The following EEPD1 variants were observed in gnomAD, a reference collection of about 807,000 sequenced individuals.
The protein encoded by EEPD1 is endonuclease/exonuclease/phosphatase family domain-containing protein 1.
Under a neutral mutation model 46.3 loss-of-function variants are expected in EEPD1, and 17 were observed. The observed-to-expected ratio is 0.37, with a 90% confidence interval of 0.25 to 0.55. The LOEUF (loss-of-function observed/expected upper bound fraction) is 0.55, where lower values mean the gene tolerates loss of function less well. Ranked by LOEUF, EEPD1 falls within the 20% of genes least tolerant of loss-of-function variation. EEPD1 has a pLI of 0.83. For synonymous variants in EEPD1, 313 were observed against 315.6 expected (o/e 0.99, Z 0.09); for missense variants, 673 against 745.6 (o/e 0.90, Z 1.13).
At chr7:36,171,814 TG>T (rs1039806150) in intron 2 of EEPD1, among the ~76,000 whole-genome samples, 3 of 152,234 alleles carry the variant, frequency 2.0e-5, no homozygotes, top group Non-Finnish European at 4.4e-5. Flanking sequence ...CCAAGCTTGT[TG>T]GTAGCTGGCA....
intron 3 of EEPD1, among the ~76,000 whole-genome samples, chr7:36,245,349 C>G (rs1027765251): frequency 6.6e-6 from 1 of 152,186 alleles, no homozygotes; most frequent in Non-Finnish European, 1.5e-5. Context: ...GTGGTCCTTA[C>G]TGTGTTTGGG....
At chr7:36,162,732 C>T (rs1449614841) in intron 2 of EEPD1, among the ~76,000 whole-genome samples, 1 of 152,200 alleles carries the variant, frequency 6.6e-6, no homozygotes, top group Non-Finnish European at 1.5e-5. Context: ...TTGTTTGTTT[C>T]CAACGAGCCC....
At chr7:36,241,459 C>T (rs1034721092) in intron 3 of EEPD1, among the ~76,000 whole-genome samples, 2 of 151,574 alleles carry the variant, frequency 1.3e-5, no homozygotes, top group African/African-American at 2.4e-5. Context: ...GGCAGCAGAG[C>T]GAGACTCTGT....
intron 3 of EEPD1, among the ~76,000 whole-genome samples, chr7:36,258,852 G>C (rs1015400795): frequency 2.1e-5 from 3 of 146,148 alleles, no homozygotes; most frequent in African/African-American, 5.1e-5. Flanking sequence ...GAACAGTTCG[G>C]TTTTGCTGGC....
At chr7:36,257,956 C>G (rs196559) in intron 3 of EEPD1, among the ~76,000 whole-genome samples, 107,583 of 152,014 alleles carry the variant, frequency 0.71, 38,421 homozygotes, top group Non-Finnish European at 0.76. Flanking sequence ...CCTCATCTTT[C>G]TGGATTTATC....
At position 36,217,801 on chromosome 7, in the gene EEPD1, A is replaced by C. The variant is rs566860609; in HGVS notation, c.879-21184A>C. ...TAGAGAGGCCATGGGCTCTAACAAA[A>C]CCCAGAGGTGAATTTCACCTGGCCT... On this transcript the variant is annotated intron_variant, in intron 2 of 7. Coordinates refer to ENST00000242108, the MANE Select transcript of EEPD1 (RefSeq NM_030636.3). 5.3e-5 allele frequency among the ~76,000 whole-genome samples: 8 copies of C among 152,292 alleles called. No individual in the cohort carries two copies. In the South Asian group the frequency reaches 8.3e-4, roughly 16 times the overall value.
chr7:36,257,739 G>A (rs1786849749), intron 3 of EEPD1, among the ~76,000 whole-genome samples: 1 of 151,936 alleles, frequency 6.6e-6, no homozygotes, highest in Non-Finnish European at 1.5e-5. Context: ...TTTTTTCAAG[G>A]TTCTTAGCTT....
At chr7:36,242,124 G>A (rs572816217) in intron 3 of EEPD1, among the ~76,000 whole-genome samples, 55 of 151,704 alleles carry the variant, frequency 3.6e-4, no homozygotes, top group African/African-American at 1.3e-3. Flanking sequence ...TTACTTTCTC[G>A]TGCCTTAGTT....
chr7:36,277,342 C>T (rs191721513), intron 3 of EEPD1, among the ~76,000 whole-genome samples: 1 of 152,358 alleles, frequency 6.6e-6, no homozygotes, highest in Non-Finnish European at 1.5e-5. Context: ...TAGCAGTTAC[C>T]TCCTGTGGGC....
chr7:36,170,517 A>G (rs1016967202), intron 2 of EEPD1, among the ~76,000 whole-genome samples: 10 of 150,530 alleles, frequency 6.6e-5, no homozygotes, highest in African/African-American at 1.7e-4. Context: ...GGAACCCTGT[A>G]TCAGTCATTG....
At chr7:36,169,777 G>T (rs1785045205) in intron 2 of EEPD1, among the ~76,000 whole-genome samples, 1 of 152,156 alleles carries the variant, frequency 6.6e-6, no homozygotes, top group Non-Finnish European at 1.5e-5. Context: ...ACTTCATTTG[G>T]GATGCTTCAT....
Position 36,299,207 on chromosome 7 carries a change from T to G in EEPD1, c.*1T>G. On this transcript the variant is annotated 3_prime_UTR_variant, in exon 8 of 8. Coordinates refer to ENST00000242108, the MANE Select transcript of EEPD1 (RefSeq NM_030636.3). ...AGCCAACATCAAGCACGAGCGATGA[T>G]GACACCAAATCCATGTGTCCACCCT... The G allele has an allele frequency of 6.2e-7, 1 of 1,613,408 alleles. No homozygotes were observed. The highest frequency in any genetic ancestry group is 8.5e-7 in the Non-Finnish European group (1 of 1,179,606).
intron 2 of EEPD1, among the ~76,000 whole-genome samples, chr7:36,234,718 A>C (rs1220814254): frequency 6.6e-6 from 1 of 151,946 alleles, no homozygotes; most frequent in Non-Finnish European, 1.5e-5. Flanking sequence ...GGAGGGAGGC[A>C]TGTGCTTCAG....
intron 3 of EEPD1, among the ~76,000 whole-genome samples, chr7:36,268,728 T>C (rs999545990): frequency 3.3e-5 from 5 of 152,292 alleles, no homozygotes; most frequent in Non-Finnish European, 7.4e-5. Context: ...CAGCCCAGTG[T>C]GTCTAACAAC....
intron 2 of EEPD1, among the ~76,000 whole-genome samples, chr7:36,160,467 T>G (rs548283379): frequency 1.3e-5 from 2 of 151,142 alleles, no homozygotes; most frequent in Non-Finnish European, 3.0e-5. Context: ...CATGGAGGAA[T>G]TGGCAAGTGC....
At chr7:36,238,909 T>C in intron 2 of EEPD1, 76 bp from the exon 3 acceptor site, 1 of 1,455,926 alleles carries the variant, frequency 6.9e-7, no homozygotes, top group Non-Finnish European at 9.3e-7. Flanking sequence ...CCTTTTGTTC[T>C]TGCGACTTGT....
chr7:36,187,838 C>G (rs1401953606), intron 2 of EEPD1, among the ~76,000 whole-genome samples: 3 of 152,058 alleles, frequency 2.0e-5, no homozygotes, highest in Non-Finnish European at 4.4e-5. Context: ...GCTCTGTCAC[C>G]CAGGCTGGAG....
chr7:36,215,802 C>G (rs1786021005), intron 2 of EEPD1, among the ~76,000 whole-genome samples: 1 of 152,192 alleles, frequency 6.6e-6, no homozygotes, highest in Non-Finnish European at 1.5e-5. Context: ...CTGGGAGACC[C>G]TGCTCCCCTT....
chr7:36,198,337 G>GAAAAGAAAAA (rs1271649314), intron 2 of EEPD1, among the ~76,000 whole-genome samples: 352 of 21,098 alleles, frequency 0.017, 5 homozygotes, highest in African/African-American at 0.07. Flanking sequence ...AAAAAAAAAA[G>GAAAAGAAAAA]AAAAGAAAAA....
Sources: gnomAD v4.1 joint callset for allele counts (sites outside exome capture counted in the v4.1 genomes callset) on GRCh38, gnomAD v4.1.1 for gene constraint, MANE v1.5 for transcripts, NCBI Gene and HGNC (gene_info 2026-07-23, HGNC 2026-07-21) for gene names.